KALRN: variants seen among roughly 807,000 people sequenced by gnomAD.
KALRN encodes kalirin.
KALRN carries 70 observed loss-of-function variants against 353.7 expected under a neutral mutation model. The observed-to-expected ratio is 0.20, with a 90% confidence interval of 0.16 to 0.24. The LOEUF (loss-of-function observed/expected upper bound fraction) is 0.24, where lower values mean the gene tolerates loss of function less well. Among genes scored for constraint, KALRN ranks in the 10% least tolerant of loss-of-function variants. The pLI, the probability that KALRN is intolerant of heterozygous loss-of-function variation, is 1.00. For missense variants in KALRN, 2,791 were observed against 3,756.7 expected (o/e 0.74, Z 6.72); for synonymous variants, 1,391 against 1,434.8 (o/e 0.97, Z 0.69).
chr3:124,130,327 T>C (rs2065134826), intron 1 of KALRN, among the ~76,000 whole-genome samples: 1 of 152,188 alleles, frequency 6.6e-6, no homozygotes, highest in Non-Finnish European at 1.5e-5. Context: ...TCTCTGAACT[T>C]CTCAGTGTAG....
At chr3:124,654,275 T>C (rs746671285) in intron 38 of KALRN, among the ~76,000 whole-genome samples, 1 of 152,220 alleles carries the variant, frequency 6.6e-6, no homozygotes, top group Non-Finnish European at 1.5e-5. Flanking sequence ...CTGTTGGAAG[T>C]GCTGGGTGCA....
chr3:124,111,159 A>G (rs976900031), intron 1 of KALRN, among the ~76,000 whole-genome samples: 2 of 152,310 alleles, frequency 1.3e-5, no homozygotes, highest in South Asian at 2.1e-4. Context: ...GCCTGCCACT[A>G]CAAGAAAAGA....
At chr3:124,503,878 ATTTCAT>A (rs1463780623) in intron 33 of KALRN, among the ~76,000 whole-genome samples, 1 of 152,196 alleles carries the variant, frequency 6.6e-6, no homozygotes, top group Non-Finnish European at 1.5e-5. Context: ...AGGGCAAAAT[ATTTCAT>A]ATCAGCATTA....
chr3:124,445,349 G>T (rs557951102), intron 19 of KALRN, among the ~76,000 whole-genome samples: 1 of 152,150 alleles, frequency 6.6e-6, no homozygotes, highest in African/African-American at 2.4e-5. Flanking sequence ...AAATAAATTT[G>T]ATTGCTTCCA....
chr3:124,279,424 G>T (rs566444166), intron 5 of KALRN, among the ~76,000 whole-genome samples: 1 of 152,342 alleles, frequency 6.6e-6, no homozygotes, highest in Admixed American at 6.5e-5. Flanking sequence ...ATGTAAATGA[G>T]TGGAATCAGC....
intron 1 of KALRN, among the ~76,000 whole-genome samples, chr3:124,180,323 G>A (rs1231678570): frequency 6.6e-6 from 1 of 152,072 alleles, no homozygotes; most frequent in Non-Finnish European, 1.5e-5. Flanking sequence ...AGGCTATAGA[G>A]CTTTCCATTA....
chr3:124,398,944 G>T, intron 13 of KALRN, 73 bp downstream of exon 13: 3 of 1,474,318 alleles, frequency 2.0e-6, no homozygotes, highest in South Asian at 2.7e-5. Context: ...TGCCCCAGGG[G>T]CAGGGCAGTA....
chr3:124,500,484 A>G (rs1191507514), intron 33 of KALRN, among the ~76,000 whole-genome samples: 2 of 152,226 alleles, frequency 1.3e-5, no homozygotes, highest in Non-Finnish European at 2.9e-5. Context: ...CTCCAGGGAA[A>G]GAAATGCAAC....
At chr3:124,463,207 T>C (rs2060011978) in intron 25 of KALRN, among the ~76,000 whole-genome samples, 1 of 152,242 alleles carries the variant, frequency 6.6e-6, no homozygotes, top group Non-Finnish European at 1.5e-5. Context: ...GCATGTTCCA[T>C]GGTTAACAAA....
chr3:124,606,384 T>C (rs964507148), intron 34 of KALRN, among the ~76,000 whole-genome samples: 17 of 152,294 alleles, frequency 1.1e-4, no homozygotes, highest in African/African-American at 2.6e-4. Flanking sequence ...TCTGACAAGC[T>C]CAGTGCTGGC....
In KALRN at chr3:124,242,796, G is replaced by C. The variant is rs550198118; in HGVS notation, c.263+7853G>C. ...GCAGGACAACAGGGGTGGTGAGGGT[G>C]GTGGTGGTGTTGGGGTCCTTCACAG... On this transcript the variant is annotated intron_variant, in intron 3 of 59. Coordinates refer to ENST00000682506, the MANE Select transcript of KALRN (RefSeq NM_001388419.1). Among the ~76,000 whole-genome samples, 7 of 152,268 alleles carry C rather than the reference G, an allele frequency of 4.6e-5. No homozygotes were observed. The East Asian group carries it at 1.4e-3, about 29-fold the overall frequency.
intron 13 of KALRN, among the ~76,000 whole-genome samples, chr3:124,402,572 A>C (rs1434799250): frequency 1.3e-5 from 2 of 152,226 alleles, no homozygotes; most frequent in African/African-American, 4.8e-5. Flanking sequence ...TAGGATAATC[A>C]GAAAGAAATG....
intron 33 of KALRN, among the ~76,000 whole-genome samples, chr3:124,541,377 G>A (rs1467350536): frequency 1.3e-5 from 2 of 151,838 alleles, no homozygotes; most frequent in African/African-American, 4.8e-5. Flanking sequence ...TTGAACCCAG[G>A]AGGCGGAGGT....
intron 6 of KALRN, among the ~76,000 whole-genome samples, chr3:124,314,292 T>G (rs2078585381): frequency 7.3e-6 from 1 of 137,910 alleles, no homozygotes; most frequent in Non-Finnish European, 1.5e-5. Context: ...TAGGTGGGAA[T>G]TGAACAATGA....
chr3:124,708,373 G>A (rs529049589), intron 57 of KALRN, among the ~76,000 whole-genome samples: 24 of 152,228 alleles, frequency 1.6e-4, no homozygotes, highest in African/African-American at 5.5e-4. Flanking sequence ...ACCATCCTCT[G>A]TAAGGTAAAG....
intron 3 of KALRN, among the ~76,000 whole-genome samples, chr3:124,240,773 G>A (rs1017958906): frequency 3.3e-5 from 5 of 152,126 alleles, no homozygotes; most frequent in African/African-American, 1.2e-4. Context: ...GGCACAGAGG[G>A]AGACTTTGGG....
At chr3:124,444,969 T>G (rs1385733809) in intron 19 of KALRN, among the ~76,000 whole-genome samples, 1 of 152,164 alleles carries the variant, frequency 6.6e-6, no homozygotes, top group African/African-American at 2.4e-5. Context: ...AACTTCTCAG[T>G]GCAAGCACTT....
intron 33 of KALRN, among the ~76,000 whole-genome samples, chr3:124,525,573 G>T (rs1403936098): frequency 6.6e-6 from 1 of 152,184 alleles, no homozygotes; most frequent in Non-Finnish European, 1.5e-5. Context: ...CACTCTGAGT[G>T]TTGCTCTGGT....
chr3:124,720,079 G>A lies in KALRN; in HGVS notation c.*609G>A, dbSNP rs2063323161. 6.6e-6 allele frequency: 1 copy of A among 152,546 alleles called. No homozygotes were observed. The allele number at this position is 152,546 out of a possible 1,614,324, so 9.4% of individuals were successfully genotyped here. ...CGAATCATTACATTGTTTTGACTAA[G>A]CACAATTAGATGACAAGTTTTTTTA... On this transcript the variant is annotated 3_prime_UTR_variant, in exon 60 of 60. Transcript: ENST00000682506.
Sources: gnomAD v4.1 joint callset for allele counts (sites outside exome capture counted in the v4.1 genomes callset) on GRCh38, gnomAD v4.1.1 for gene constraint, MANE v1.5 for transcripts, NCBI Gene and HGNC (gene_info 2026-07-23, HGNC 2026-07-21) for gene names.